Variants in PGS1 observed in about 807,000 individuals in gnomAD.
PGS1 encodes the protein phosphatidylglycerophosphate synthase 1.
Under a neutral mutation model 58.3 loss-of-function variants are expected in PGS1, and 44 were observed. The observed-to-expected ratio is 0.75, with a 90% CI of 0.59 to 0.97. PGS1 has a LOEUF of 0.97. PGS1 is among the 50% of genes least tolerant of loss of function. PGS1 has a pLI of 0.00. For synonymous variants in PGS1, 330 were observed against 311.0 expected, an observed-to-expected ratio of 1.06 and a Z score of -0.64; for missense variants, 684 against 731.1, an observed-to-expected ratio of 0.94 and a Z score of 0.74.
intron 3 of PGS1, 59 bp downstream of exon 3, chr17:78,396,444 A>T (rs79745319): frequency 0.1 from 124,922 of 1,222,838 alleles, 7,723 homozygotes; most frequent in Non-Finnish European, 0.13. Context: ...AACATGCCAC[A>T]GCTTTTTGTG....
Position 78,419,690 on chromosome 17 carries a change from A to G in PGS1, c.*10+15A>G, listed in dbSNP as rs531101386. 10 of 1,612,762 alleles carry G rather than the reference A, an allele frequency of 6.2e-6. No individual in the cohort carries two copies. In the South Asian group the frequency reaches 8.8e-5, roughly 14 times the overall value. ...AGGACAGACAGGTGCTGTCTCTAGC[A>G]TCACCTCTCAGCACGATTTTCCCGA... On this transcript the variant is annotated intron_variant, in intron 9 of 9. Coordinates refer to ENST00000262764, the MANE Select transcript of PGS1 (RefSeq NM_024419.5).
At chr17:78,395,021 G>A (rs551505246) in intron 2 of PGS1, among the ~76,000 whole-genome samples, 176 of 151,552 alleles carry the variant, frequency 1.2e-3, no homozygotes, top group African/African-American at 3.9e-3. Flanking sequence ...TCAGCAGGCC[G>A]AGAAGACCCC....
rs762006695 is a variant in PGS1, at chr17:78,400,880, C to T, written c.880+25C>T. 6.4e-7 allele frequency: 1 copy of T among 1,556,308 alleles called. No individual in the cohort carries two copies. Among genetic ancestry groups the T allele is most frequent in the Non-Finnish European group, 8.7e-7 (1 of 1,146,088 alleles). On this transcript the variant is annotated intron_variant, in intron 6 of 9. Coordinates refer to ENST00000262764, the MANE Select transcript of PGS1 (RefSeq NM_024419.5). The surrounding 1 kb of genome is among the most constrained non-coding windows in gnomAD (Gnocchi z 4.4). ...GGTAGGGGCTGCCGCTGACACCCTTCTATGGCTGTGGGTGGGGTGGAGTGA... is the reference window on the plus strand; with the variant it reads ...GGTAGGGGCTGCCGCTGACACCCTTTTATGGCTGTGGGTGGGGTGGAGTGA...
chr17:78,397,244 T>G (rs951876494), intron 3 of PGS1, among the ~76,000 whole-genome samples: 6 of 106,440 alleles, frequency 5.6e-5, no homozygotes, highest in Non-Finnish European at 8.9e-5. Flanking sequence ...AGATCACTGC[T>G]TTCTCTTGGG....
intron 7 of PGS1, among the ~76,000 whole-genome samples, chr17:78,411,450 C>T (rs540373209): frequency 5.3e-5 from 8 of 152,162 alleles, no homozygotes; most frequent in Admixed American, 1.3e-4. Context: ...GGTGTCCCCG[C>T]GACACTTGAT....
chr17:78,383,426 A>G (rs1429330550), intron 1 of PGS1, among the ~76,000 whole-genome samples: 1 of 152,018 alleles, frequency 6.6e-6, no homozygotes, highest in Non-Finnish European at 1.5e-5. Flanking sequence ...CGGTTTCTCC[A>G]TGTTGGTCAG....
In PGS1 at chr17:78,414,985, G is replaced by T. The variant is rs369435283; in HGVS notation, c.1509G>T (p.Ala503=). 1.2e-5 allele frequency: 19 copies of T among 1,613,574 alleles called. No individual in the cohort carries two copies. Among genetic ancestry groups the T allele is most frequent in the Non-Finnish European group, 1.6e-5 (19 of 1,180,030 alleles). The change falls in exon 8 of 10, where the codon GCG becomes GCT. Residue 503 remains alanine, a synonymous_variant. Transcript: ENST00000262764. ...SVHRDLEAQI[A]IVTENQALQQ... Reference sequence around the variant, plus strand: ...ACCGGGACCTGGAGGCCCAGATTGCGATCGTGACGGAGAACCAGGCCCTGC... The same window carrying T: ...ACCGGGACCTGGAGGCCCAGATTGCTATCGTGACGGAGAACCAGGCCCTGC...
intron 8 of PGS1, among the ~76,000 whole-genome samples, chr17:78,419,285 A>G (rs2146342818): frequency 6.6e-6 from 1 of 152,358 alleles, no homozygotes; most frequent in Admixed American, 6.5e-5. Context: ...TGTTGGGATT[A>G]TAGGCTTTAG....
chr17:78,422,679 A>C (rs975835572), intron 9 of PGS1, among the ~76,000 whole-genome samples: 3 of 151,944 alleles, frequency 2.0e-5, no homozygotes, highest in Non-Finnish European at 4.4e-5. Context: ...TGTATTTTTG[A>C]TTGATAGAGA....
rs1486248879 is a variant in PGS1, at chr17:78,408,893, G to T, written c.1402+4804G>T. Among the ~76,000 whole-genome samples the T allele has an allele frequency of 2.6e-5, 4 of 152,352 alleles. No homozygotes were observed. In the East Asian group the frequency reaches 7.7e-4, roughly 29 times the overall value. ...GGACTCTTAACGGGAAGTGCCTCGTGCTGCCGCAGACACATCTGGATGGGT... is the reference window on the plus strand; with the variant it reads ...GGACTCTTAACGGGAAGTGCCTCGTTCTGCCGCAGACACATCTGGATGGGT... On this transcript the variant is annotated intron_variant, in intron 7 of 9. Coordinates refer to ENST00000262764, the MANE Select transcript of PGS1 (RefSeq NM_024419.5).
At chr17:78,381,861 CATT>C (rs2082060468) in intron 1 of PGS1, among the ~76,000 whole-genome samples, 3 of 152,286 alleles carry the variant, frequency 2.0e-5, no homozygotes, top group Admixed American at 1.3e-4. Flanking sequence ...GCATCTGACT[CATT>C]ATCATTAGGA....
intron 8 of PGS1, among the ~76,000 whole-genome samples, chr17:78,417,016 T>C (rs1412327292): frequency 6.6e-6 from 1 of 152,140 alleles, no homozygotes; most frequent in African/African-American, 2.4e-5. Context: ...GCACTGGGAA[T>C]GGGGAGATAT....
At chr17:78,422,038 G>T (rs998519436) in intron 9 of PGS1, 1 of 152,222 alleles carries the variant, frequency 6.6e-6, no homozygotes, top group Admixed American at 6.5e-5. Context: ...AGATAATTTT[G>T]TCAACTACCC....
chr17:78,391,182 A>C (rs2082798187), intron 1 of PGS1, among the ~76,000 whole-genome samples: 1 of 152,046 alleles, frequency 6.6e-6, no homozygotes, highest in African/African-American at 2.4e-5. Flanking sequence ...TACTGACCTC[A>C]GGTAATCTGC....
chr17:78,399,784 G>A (rs372305879), intron 5 of PGS1, among the ~76,000 whole-genome samples: 1 of 152,224 alleles, frequency 6.6e-6, no homozygotes, highest in East Asian at 1.9e-4. Flanking sequence ...TATGTTGTCT[G>A]TTTCCACCCT....
intron 9 of PGS1, chr17:78,421,908 G>A (rs1005422584): frequency 7.5e-5 from 11 of 146,292 alleles, no homozygotes; most frequent in South Asian, 2.1e-4. Flanking sequence ...AGCGGGCGGC[G>A]GGCGGCGGCC....
At chr17:78,410,955 C>T (rs2084632660) in intron 7 of PGS1, among the ~76,000 whole-genome samples, 1 of 152,146 alleles carries the variant, frequency 6.6e-6, no homozygotes, top group Admixed American at 6.5e-5. Flanking sequence ...AAGGCTTATA[C>T]TTTGATGGAA....
chr17:78,390,062 T>TCCCCCGACCCCGCC (rs1555628297), intron 1 of PGS1, among the ~76,000 whole-genome samples: 3 of 128,606 alleles, frequency 2.3e-5, no homozygotes, highest in Non-Finnish European at 5.0e-5. Flanking sequence ...TGTTGCCTGT[T>TCCCCCGACCCCGCC]CCCCCGCCCC....
chr17:78,386,298 T>C (rs2082379681), intron 1 of PGS1, among the ~76,000 whole-genome samples: 1 of 152,196 alleles, frequency 6.6e-6, no homozygotes, highest in African/African-American at 2.4e-5. Context: ...GTAGTACGGC[T>C]GGTTTGATTT....
Sources: allele counts gnomAD v4.1 joint callset (sites outside exome capture counted in the v4.1 genomes callset), GRCh38; gene constraint gnomAD v4.1.1; non-coding constraint Gnocchi (gnomAD v3.1); transcripts MANE v1.5; gene names NCBI Gene and HGNC (gene_info 2026-07-23, HGNC 2026-07-21).